Variants in FANCM observed in about 807,000 individuals in gnomAD.
FANCM encodes Fanconi anemia group M protein.
FANCM carries 140 observed loss-of-function variants against 199.5 expected under a neutral mutation model. The observed-to-expected ratio is 0.70, with a 90% CI of 0.61 to 0.81. FANCM has a LOEUF of 0.81. FANCM is among the 30% of genes least tolerant of loss of function. FANCM has a pLI of 0.00. For synonymous variants in FANCM, 840 were observed against 836.8 expected (o/e 1.00, Z -0.07); for missense variants, 2,410 against 2,421.4 (o/e 1.00, Z 0.10).
At chr14:45,156,334 A>G (rs1165937536) in intron 8 of FANCM, among the ~76,000 whole-genome samples, 1 of 152,228 alleles carries the variant, frequency 6.6e-6, no homozygotes, top group Non-Finnish European at 1.5e-5. Context: ...GTATGCAGAT[A>G]ATATCAGACT....
Position 45,175,757 on chromosome 14 carries a change from C to T in FANCM, c.3003C>T (p.Leu1001=), listed in dbSNP as rs1177034125. The T allele has an allele frequency of 1.9e-6, 3 of 1,613,562 alleles. No individual in the cohort carries two copies. The highest frequency in any genetic ancestry group is 1.3e-5 in the African/African-American group (1 of 74,896). The change falls in exon 14 of 23, where the codon CTC becomes CTT. Residue 1001 remains leucine (L), a synonymous_variant. Transcript: ENST00000267430. Reference sequence around the variant, plus strand: ...TTTTATCTTATTCTCCTCCGCCTCTCAGTGGACTCTCAGACTTGGAATATG... The same window carrying T: ...TTTTATCTTATTCTCCTCCGCCTCTTAGTGGACTCTCAGACTTGGAATATG... ...ERFLSYSPPP[L]SGLSDLEYEI... is the part of the protein sequence containing the mutation.
In FANCM at chr14:45,151,498, G is replaced by C. The variant is rs1318503488; in HGVS notation, c.1020G>C (p.Gln340His). The part of the protein sequence containing the change: ...TKYQIILARD[Q>H]FRKNPSPNIV... ...ATCAGATAATTCTGGCAAGAGATCAGTTTAGGAAAAACCCATCTCCGAATA... is the reference window on the plus strand; with the variant it reads ...ATCAGATAATTCTGGCAAGAGATCACTTTAGGAAAAACCCATCTCCGAATA... The change falls in exon 5 of 23, where the codon CAG (glutamine) becomes CAC (histidine). Residue 340 changes from glutamine (Q) to histidine (H), a missense_variant. Transcript: ENST00000267430. 4 of 1,612,900 alleles carry C rather than the reference G, an allele frequency of 2.5e-6. No homozygotes were observed. The highest frequency in any genetic ancestry group is 3.4e-6 in the Non-Finnish European group (4 of 1,179,122).
At chr14:45,184,033 AT>A in intron 17 of FANCM, 131 bp downstream of exon 17, 12 of 634,936 alleles carry the variant, frequency 1.9e-5, no homozygotes, top group Non-Finnish European at 2.6e-5. Context: ...ACCCATTTAG[AT>A]TTTTTTTACT....
intron 4 of FANCM, among the ~76,000 whole-genome samples, chr14:45,149,510 G>A (rs1886669980): frequency 6.6e-6 from 1 of 152,080 alleles, no homozygotes. Flanking sequence ...GGGATTACAG[G>A]CACATGCTAC....
chr14:45,164,975 A>C (rs1887862483), intron 10 of FANCM, among the ~76,000 whole-genome samples: 1 of 152,212 alleles, frequency 6.6e-6, no homozygotes. Context: ...TAAGAAACAA[A>C]GAACATGTAT....
chr14:45,187,990 G>C, intron 19 of FANCM, 103 bp downstream of exon 19: 2 of 705,394 alleles, frequency 2.8e-6, no homozygotes, highest in South Asian at 3.1e-5. Flanking sequence ...GGCTGTCAGA[G>C]CTATTTGAGA....
intron 10 of FANCM, among the ~76,000 whole-genome samples, chr14:45,165,041 G>A (rs1038705497): frequency 6.6e-6 from 1 of 152,132 alleles, no homozygotes; most frequent in African/African-American, 2.4e-5. Flanking sequence ...GCCCTTTTTG[G>A]AAGTTTGCTG....
At chr14:45,149,302 C>CA (rs1886655510) in intron 4 of FANCM, among the ~76,000 whole-genome samples, 1 of 152,136 alleles carries the variant, frequency 6.6e-6, no homozygotes. Flanking sequence ...CACACACACA[C>CA]ACACACAAAC....
chr14:45,172,010 C>T (rs573179713), intron 12 of FANCM, among the ~76,000 whole-genome samples: 1 of 152,088 alleles, frequency 6.6e-6, no homozygotes, highest in Non-Finnish European at 1.5e-5. Context: ...ACCACATCCA[C>T]TCCAACATCT....
intron 3 of FANCM, among the ~76,000 whole-genome samples, chr14:45,145,360 CA>C (rs1886287415): frequency 1.3e-5 from 2 of 152,174 alleles, no homozygotes; most frequent in Admixed American, 6.5e-5. Context: ...ACGTGCCCCC[CA>C]TGTTCATCGT....
intron 11 of FANCM, among the ~76,000 whole-genome samples, chr14:45,169,832 A>G (rs756782130): frequency 1.3e-5 from 2 of 152,200 alleles, no homozygotes; most frequent in Non-Finnish European, 2.9e-5. Flanking sequence ...TGAATATACT[A>G]TACATATTTT....
rs939252723 is a variant in FANCM, at chr14:45,154,169, G to C, written c.1183+117G>C. 1.3e-5 allele frequency: 9 copies of C among 714,928 alleles called. No homozygotes were observed. The African/African-American group carries it at 1.6e-4, about 13-fold the overall frequency. The allele number at this position is 714,928 out of a possible 1,614,324, so 44.3% of individuals were successfully genotyped here. ...TAATCCCAGCACTTTGGGAAGCCGA[G>C]GTGGGTGGATCACTTGAGGTCAGGA... On this transcript the variant is annotated intron_variant, in intron 6 of 22. Coordinates refer to ENST00000267430, the MANE Select transcript of FANCM (RefSeq NM_020937.4).
intron 9 of FANCM, among the ~76,000 whole-genome samples, chr14:45,161,600 A>G (rs1263672128): frequency 2.0e-5 from 3 of 152,066 alleles, no homozygotes; most frequent in African/African-American, 7.2e-5. Flanking sequence ...GCAACATGGT[A>G]AAACCTTATC....
chr14:45,164,239 G>C (rs1482455498), intron 9 of FANCM, 120 bp from the exon 10 acceptor site: 1 of 837,518 alleles, frequency 1.2e-6, no homozygotes, highest in Non-Finnish European at 2.0e-6. Flanking sequence ...GCTGTGGCCA[G>C]CCTTGAGGCT....
chr14:45,186,009 C>T (rs944090782), intron 18 of FANCM, among the ~76,000 whole-genome samples: 7 of 152,152 alleles, frequency 4.6e-5, no homozygotes, highest in African/African-American at 1.7e-4. Flanking sequence ...GGAGATTCTC[C>T]TGCTTTAGCC....
At position 45,200,273 on chromosome 14, in the gene FANCM, A is replaced by C. The variant is rs1566794750; in HGVS notation, c.*265A>C. On this transcript the variant is annotated 3_prime_UTR_variant, in exon 23 of 23. Coordinates refer to ENST00000267430, the MANE Select transcript of FANCM (RefSeq NM_020937.4). ...AAAGTGTTACTAAGGATAGTTTAAG[A>C]AAGTAAAAGCTAAGCTAGAGATATA... 1 of 164,898 alleles carries C rather than the reference A, an allele frequency of 6.1e-6. No homozygotes were observed. Among genetic ancestry groups the C allele is most frequent in the South Asian group, 1.9e-4 (1 of 5,150 alleles). The allele number at this position is 164,898 out of a possible 1,614,324, so 10.2% of individuals were successfully genotyped here.
At chr14:45,188,240 G>A (rs1889531678) in intron 19 of FANCM, among the ~76,000 whole-genome samples, 1 of 152,306 alleles carries the variant, frequency 6.6e-6, no homozygotes, top group South Asian at 2.1e-4. Context: ...TTGGGAGGCT[G>A]AGGCAGGAGA....
In FANCM at chr14:45,140,613, G is replaced by T; in HGVS notation, c.682-19G>T. The T allele has an allele frequency of 4.2e-6, 6 of 1,432,318 alleles. No individual in the cohort carries two copies. Among genetic ancestry groups the T allele is most frequent in the South Asian group, 2.3e-5 (2 of 87,418 alleles). 88.7% of individuals were successfully genotyped at this position (1,432,318 alleles called of 1,614,324 possible). On this transcript the variant is annotated intron_variant, in intron 2 of 22. Transcript: ENST00000267430. ...TTTGCATTGAACAGATGAAACTAAA[G>T]AACTTTTTTTTTCTTAAGGTTGTAA... is the stretch of plus-strand genomic sequence containing the variant.
chr14:45,144,814 C>G (rs571810032), intron 3 of FANCM, among the ~76,000 whole-genome samples: 1 of 152,254 alleles, frequency 6.6e-6, no homozygotes, highest in Admixed American at 6.5e-5. Flanking sequence ...CCCCAAGAGC[C>G]CATTTGTTGC....
Sources: allele counts gnomAD v4.1 joint callset (sites outside exome capture counted in the v4.1 genomes callset), GRCh38; gene constraint gnomAD v4.1.1; transcripts MANE v1.5; gene names NCBI Gene and HGNC (gene_info 2026-07-23, HGNC 2026-07-21).